Variants in GPSM1 observed in about 807,000 individuals in gnomAD.
The protein encoded by GPSM1 is G protein signaling modulator 1.
In GPSM1, 48 loss-of-function variants were observed where a neutral mutation model predicts 70.5. That is an observed-to-expected ratio of 0.68 (90% CI 0.54 to 0.87). The LOEUF is 0.87. GPSM1 is among the 40% of genes least tolerant of loss of function. GPSM1 has a pLI of 0.00. For synonymous variants in GPSM1, 416 were observed against 430.1 expected (o/e 0.97, Z 0.41); for missense variants, 981 against 972.6 (o/e 1.01, Z -0.11).
At chr9:136,357,919 C>G (rs1050001897) in intron 13 of GPSM1, 95 bp from the exon 14 acceptor site, 53 of 935,676 alleles carry the variant, frequency 5.7e-5, no homozygotes, top group Admixed American at 4.5e-4. Context: ...AGCCCGTGAA[C>G]AGTGCACGCT....
In GPSM1 at chr9:136,337,026, C is replaced by T; in HGVS notation, c.532C>T (p.Pro178Ser). The T allele has an allele frequency of 1.3e-6, 2 of 1,551,914 alleles. No homozygotes were observed. Among genetic ancestry groups the T allele is most frequent in the Non-Finnish European group, 1.7e-6 (2 of 1,147,770 alleles). Residue 178 changes from proline to serine, a missense_variant, in exon 4 of 14, where the codon CCG (proline) becomes TCG (serine). By Grantham distance (74) the Pro-to-Ser change is moderately conservative. Transcript: ENST00000440944. Reference sequence around the variant, plus strand: ...CGCCACGCAGGACCCCGGGCACCTGCCGCCCGATGTCCGAGAGACCCTGTG... The same window carrying T: ...CGCCACGCAGGACCCCGGGCACCTGTCGCCCGATGTCCGAGAGACCCTGTG... ...ANATQDPGHL[P>S]PDVRETLCKA...
At chr9:136,355,610 G>C (rs914961366) in intron 11 of GPSM1, 80 bp from the exon 12 acceptor site, 20 of 1,344,924 alleles carry the variant, frequency 1.5e-5, no homozygotes, top group Middle Eastern at 1.8e-4. Context: ...AAGTGTGTGT[G>C]GCCTGGGCAA....
At chr9:136,348,129 C>T (rs782282224) in intron 9 of GPSM1, among the ~76,000 whole-genome samples, 9 of 152,178 alleles carry the variant, frequency 5.9e-5, no homozygotes, top group Non-Finnish European at 1.2e-4. Flanking sequence ...GGGTGAGCCC[C>T]GGGCCAGGAG....
At position 136,334,633 on chromosome 9, in the gene GPSM1, G is replaced by A. The variant is rs147269265; in HGVS notation, c.255G>A (p.Ala85=). 9.9e-6 allele frequency: 16 copies of A among 1,612,356 alleles called. No homozygotes were observed. Among genetic ancestry groups the A allele is most frequent in the African/African-American group, 5.3e-5 (4 of 74,934 alleles). The change falls in exon 2 of 14, where the codon GCG becomes GCA. Residue 85 remains alanine (A), a synonymous_variant. Coordinates refer to ENST00000440944, the MANE Select transcript of GPSM1 (RefSeq NM_001145638.3). ...TCTACCTGAAGGAGCACGGCCGGGC[G>A]CTGGAATACCACAAGCATGACCTCC... ...AYFYLKEHGR[A]LEYHKHDLLL...
intron 11 of GPSM1, among the ~76,000 whole-genome samples, chr9:136,350,531 G>A (rs957738985): frequency 1.4e-4 from 22 of 152,342 alleles, no homozygotes; most frequent in African/African-American, 3.4e-4. Flanking sequence ...TGCAGGGGCC[G>A]GGGCAGGACC....
chr9:136,357,914 G>A (rs934104010), intron 13 of GPSM1, 100 bp from the exon 14 acceptor site: 19 of 903,546 alleles, frequency 2.1e-5, no homozygotes, highest in East Asian at 5.2e-5. Context: ...GGGGAAGCCC[G>A]TGAACAGTGC....
At chr9:136,354,274 G>A (rs1236578026) in intron 11 of GPSM1, among the ~76,000 whole-genome samples, 1 of 152,174 alleles carries the variant, frequency 6.6e-6, no homozygotes, top group African/African-American at 2.4e-5. Context: ...ATGTCTCTAG[G>A]CCCCACTCTC....
chr9:136,347,436 G>A (rs1554771447), intron 9 of GPSM1, among the ~76,000 whole-genome samples: 1 of 152,154 alleles, frequency 6.6e-6, no homozygotes, highest in Admixed American at 6.5e-5. Context: ...GGGGGTGGGA[G>A]CTGTGGGTGA....
At chr9:136,354,688 G>GC (rs1487367021) in intron 11 of GPSM1, 2 of 354,182 alleles carry the variant, frequency 5.6e-6, no homozygotes, top group East Asian at 3.3e-4. Context: ...CTTCAGCTGG[G>GC]CCCCTTGGGG....
intron 13 of GPSM1, among the ~76,000 whole-genome samples, 187 bp downstream of exon 13, chr9:136,356,737 C>T (rs908222888): frequency 6.6e-6 from 1 of 152,162 alleles, no homozygotes; most frequent in Admixed American, 6.5e-5. Flanking sequence ...AAGCCCTACT[C>T]CTGGGAACCC....
At position 136,336,875 on chromosome 9, in the gene GPSM1, T is replaced by TG. The variant is rs781782817; in HGVS notation, c.427-40dup. 2.0e-5 allele frequency: 31 copies of TG among 1,525,092 alleles called. No individual in the cohort carries two copies. The African/African-American group carries it at 3.6e-4, about 18-fold the overall frequency. 94.5% of individuals were successfully genotyped at this position (1,525,092 alleles called of 1,614,324 possible). On this transcript the variant is annotated intron_variant, in intron 3 of 13. Coordinates refer to ENST00000440944, the MANE Select transcript of GPSM1 (RefSeq NM_001145638.3). ...CGGTGTGCCGGCTCTGCACATCGTG[T>TG]GGGGGGCCGTGGAGGCATGCCCCCA...
chr9:136,348,845 C>A, intron 10 of GPSM1, 78 bp downstream of exon 10: 1 of 1,042,338 alleles, frequency 9.6e-7, no homozygotes, highest in Non-Finnish European at 1.5e-6. Context: ...GGCAGAGCCA[C>A]CGCCACCCAC....
At chr9:136,350,979 C>T (rs1588704995) in intron 11 of GPSM1, among the ~76,000 whole-genome samples, 2 of 152,330 alleles carry the variant, frequency 1.3e-5, no homozygotes, top group East Asian at 3.9e-4. Context: ...CACGGGAGAG[C>T]TGGTTGGTGT....
chr9:136,340,309 C>T lies in GPSM1; in HGVS notation c.1083+494C>T, dbSNP rs115127643. Among the ~76,000 whole-genome samples, 3,162 of 152,150 alleles carry T rather than the reference C, an allele frequency of 0.021. 99 individuals are homozygous for T. Among genetic ancestry groups the T allele is most frequent in the African/African-American group, 0.07 (2,920 of 41,498 alleles). ...GTGCCCAGGTGAGGGTGGAGAGGGGCGGGCATGGGAAGGTCAGCAGAGCCC... is the reference window on the plus strand; with the variant it reads ...GTGCCCAGGTGAGGGTGGAGAGGGGTGGGCATGGGAAGGTCAGCAGAGCCC... On this transcript the variant is annotated intron_variant, in intron 8 of 13. Coordinates refer to ENST00000440944, the MANE Select transcript of GPSM1 (RefSeq NM_001145638.3). The surrounding 1 kb of genome is among the most constrained non-coding windows in gnomAD (Gnocchi z 7.3).
chr9:136,337,498 C>T lies in GPSM1; in HGVS notation c.636C>T (p.Tyr212=), dbSNP rs1195925793. Residue 212 remains tyrosine, a synonymous_variant, in exon 5 of 14, where the codon TAC becomes TAT. Transcript: ENST00000440944. ...LGDRAAQGRA[Y]GNLGNTHYLL... The stretch of plus-strand genomic sequence containing the variant: ...ACCGTGCGGCGCAGGGCAGGGCCTA[C>T]GGCAACCTGGGCAACACCCACTATT... 1.9e-5 allele frequency: 29 copies of T among 1,563,938 alleles called. No individual in the cohort carries two copies. The highest frequency in any genetic ancestry group is 1.4e-4 in the East Asian group (6 of 42,806).
intron 9 of GPSM1, 59 bp from the exon 10 acceptor site, chr9:136,348,638 G>A: frequency 4.5e-6 from 6 of 1,332,354 alleles, no homozygotes; most frequent in Non-Finnish European, 5.3e-6. Context: ...CTCTGGCCTG[G>A]CCCACCCAAT....
At chr9:136,329,244 C>G (rs773411353) in intron 1 of GPSM1, among the ~76,000 whole-genome samples, 4 of 152,314 alleles carry the variant, frequency 2.6e-5, no homozygotes, top group East Asian at 1.9e-4. Context: ...GAGTCAGGCC[C>G]AGACTTGGGG....
chr9:136,348,650 C>T (rs782802159), intron 9 of GPSM1, 47 bp from the exon 10 acceptor site: 23 of 1,433,958 alleles, frequency 1.6e-5, no homozygotes, highest in Middle Eastern at 2.2e-4. Flanking sequence ...CCACCCAATG[C>T]GAGGTGCCAG....
At chr9:136,338,413 G>GT (rs1832302922) in intron 6 of GPSM1, 142 bp from the exon 7 acceptor site, 1 of 766,636 alleles carries the variant, frequency 1.3e-6, no homozygotes, top group Non-Finnish European at 2.1e-6. Flanking sequence ...CCATGTGAGG[G>GT]TGGGGATGAA....
Sources: allele counts gnomAD v4.1 joint callset (sites outside exome capture counted in the v4.1 genomes callset), GRCh38; gene constraint gnomAD v4.1.1; non-coding constraint Gnocchi (gnomAD v3.1); transcripts MANE v1.5; gene names NCBI Gene and HGNC (gene_info 2026-07-23, HGNC 2026-07-21).